PDE9A: variants seen among roughly 807,000 people sequenced by gnomAD.
PDE9A encodes phosphodiesterase 9A.
In PDE9A, 60 loss-of-function variants were observed where a neutral mutation model predicts 87.4. The ratio of observed to expected loss-of-function variants is 0.69; its 90% CI spans 0.56 to 0.85. The LOEUF (loss-of-function observed/expected upper bound fraction) is 0.85, where lower values mean the gene tolerates loss of function less well. PDE9A is among the 40% of genes least tolerant of loss of function. The pLI is 0.00. For missense variants in PDE9A, 665 were observed against 779.0 expected (o/e 0.85, Z 1.74); for synonymous variants, 272 against 279.4 (o/e 0.97, Z 0.27).
intron 1 of PDE9A, among the ~76,000 whole-genome samples, chr21:42,663,375 A>G (rs747244317): frequency 6.6e-6 from 1 of 152,228 alleles, no homozygotes; most frequent in Non-Finnish European, 1.5e-5. Flanking sequence ...CAGAGAAGTC[A>G]GCAGAGCCCC....
At chr21:42,698,397 C>A (rs559725210) in intron 3 of PDE9A, among the ~76,000 whole-genome samples, 69 of 152,358 alleles carry the variant, frequency 4.5e-4, no homozygotes, top group African/African-American at 1.6e-3. Flanking sequence ...TCCTTCCCTG[C>A]CTCTTGGCCA....
Position 42,731,937 on chromosome 21 carries a change from C to T in PDE9A, c.430C>T (p.Arg144Cys), listed in dbSNP as rs1201385136. Residue 144 changes from arginine (R) to cysteine (C), a missense_variant, in exon 5 of 20, where the codon CGC becomes TGC. Arg to Cys is a radical substitution (Grantham distance 180). Transcript: ENST00000291539. ...CCAGGGCTGCTACCAGGAAGGCCAG[C>T]GCATCCCTCCAGGTAACGGGCAGCT... ...EPQGCYQEGQ[R>C]IPPEREELIQ... is the part of the protein sequence containing the mutation. 4.3e-6 allele frequency: 7 copies of T among 1,613,514 alleles called. No individual in the cohort carries two copies. Among genetic ancestry groups the T allele is most frequent in the Middle Eastern group, 1.7e-4 (1 of 6,060 alleles).
At chr21:42,686,484 C>T (rs1268852507) in intron 2 of PDE9A, among the ~76,000 whole-genome samples, 2 of 152,236 alleles carry the variant, frequency 1.3e-5, no homozygotes, top group African/African-American at 2.4e-5. Context: ...AGGAGGAAAC[C>T]GTCGGGCTGA....
chr21:42,761,084 G>A (rs2055709763), intron 13 of PDE9A, among the ~76,000 whole-genome samples, 177 bp downstream of exon 13: 1 of 152,208 alleles, frequency 6.6e-6, no homozygotes, highest in African/African-American at 2.4e-5. Context: ...CCAGGGCCTT[G>A]GGTCTCCCCG....
chr21:42,756,044 G>A (rs1329179151), intron 10 of PDE9A, among the ~76,000 whole-genome samples: 1 of 152,230 alleles, frequency 6.6e-6, no homozygotes, highest in Non-Finnish European at 1.5e-5. Context: ...ATCACAGAGT[G>A]GATTCACAGC....
chr21:42,767,429 T>C (rs2056516442), intron 15 of PDE9A, among the ~76,000 whole-genome samples: 1 of 152,070 alleles, frequency 6.6e-6, no homozygotes, highest in South Asian at 2.1e-4. Flanking sequence ...AATGGCTTCC[T>C]GGGAACTGAT....
intron 8 of PDE9A, among the ~76,000 whole-genome samples, chr21:42,747,321 G>T (rs1221940914): frequency 6.6e-6 from 1 of 151,794 alleles, no homozygotes; most frequent in African/African-American, 2.4e-5. Context: ...CAGGGTGGGG[G>T]TGGGGGGCCT....
chr21:42,773,733 G>A (rs1375483373), intron 19 of PDE9A, among the ~76,000 whole-genome samples: 3 of 151,090 alleles, frequency 2.0e-5, no homozygotes, highest in East Asian at 2.0e-4. Flanking sequence ...CCCAGGAGGC[G>A]GAGATTGCCG....
intron 17 of PDE9A, among the ~76,000 whole-genome samples, chr21:42,770,154 C>T (rs918010352): frequency 1.3e-5 from 2 of 152,152 alleles, no homozygotes; most frequent in Non-Finnish European, 2.9e-5. Flanking sequence ...TTGCACACAG[C>T]TCGTTCCTGC....
At chr21:42,746,781 C>T (rs964417913) in intron 8 of PDE9A, among the ~76,000 whole-genome samples, 5 of 152,340 alleles carry the variant, frequency 3.3e-5, no homozygotes, top group South Asian at 2.1e-4. Context: ...TCAGGCACGC[C>T]GGGCTGTGGG....
At chr21:42,672,406 T>C (rs1191559872) in intron 1 of PDE9A, among the ~76,000 whole-genome samples, 2 of 152,264 alleles carry the variant, frequency 1.3e-5, no homozygotes, top group Non-Finnish European at 2.9e-5. Context: ...GGCGTTTGGC[T>C]CTGGTTCTAG....
intron 1 of PDE9A, among the ~76,000 whole-genome samples, chr21:42,673,245 T>G (rs2058660753): frequency 6.6e-6 from 1 of 152,192 alleles, no homozygotes; most frequent in Admixed American, 6.5e-5. Context: ...ACCTCCTCTC[T>G]TCCTACTCCT....
At chr21:42,667,900 T>C (rs1453216230) in intron 1 of PDE9A, among the ~76,000 whole-genome samples, 2 of 152,044 alleles carry the variant, frequency 1.3e-5, no homozygotes, top group South Asian at 2.1e-4. Flanking sequence ...CCTGCAGTTC[T>C]AGTGGAATCT....
intron 4 of PDE9A, among the ~76,000 whole-genome samples, chr21:42,715,317 G>A (rs1013370031): frequency 2.0e-5 from 3 of 150,720 alleles, no homozygotes; most frequent in South Asian, 2.1e-4. Context: ...CACCGTCAAC[G>A]TCCTGCATCA....
At chr21:42,740,704 G>GATAGATAGA (rs1250691790) in intron 7 of PDE9A, among the ~76,000 whole-genome samples, 4 of 133,442 alleles carry the variant, frequency 3.0e-5, no homozygotes, top group East Asian at 2.2e-4. Flanking sequence ...TAGGTAGGTA[G>GATAGATAGA]TAGATAGATA....
At position 42,722,882 on chromosome 21, in the gene PDE9A, A is replaced by C. The variant is rs907222259; in HGVS notation, c.263-8888A>C. Among the ~76,000 whole-genome samples the C allele has an allele frequency of 3.3e-5, 5 of 152,250 alleles. No individual in the cohort carries two copies. The highest frequency in any genetic ancestry group is 6.5e-5 in the Admixed American group (1 of 15,292). On this transcript the variant is annotated intron_variant, in intron 4 of 19. Coordinates refer to ENST00000291539, the MANE Select transcript of PDE9A (RefSeq NM_002606.3). This position sits in a 1 kb window ranked among gnomAD's most constrained non-coding sequence, Gnocchi z 4.1. ...ATGTCATTCTGCACTGGGTAGACTC[A>C]GGATTTGCCTGAAACAAGTAAACAA...
chr21:42,747,028 A>G (rs923600663), intron 8 of PDE9A, among the ~76,000 whole-genome samples: 6 of 152,336 alleles, frequency 3.9e-5, no homozygotes, highest in Admixed American at 6.5e-5. Flanking sequence ...CGTTGTCGAC[A>G]CATTGAGAAA....
chr21:42,764,817 A>G lies in PDE9A; in HGVS notation c.1243-564A>G, dbSNP rs148139195. On this transcript the variant is annotated intron_variant, in intron 14 of 19. Transcript: ENST00000291539. ...GTTTACAGGAAAATTGAATAATTCA[A>G]GATACAAGTGATCCCCCCAAAAAAA... Among the ~76,000 whole-genome samples, 105 of 152,362 alleles carry G rather than the reference A, an allele frequency of 6.9e-4. 1 individual carries two copies. The highest frequency in any genetic ancestry group is 2.4e-3 in the African/African-American group (101 of 41,574).
chr21:42,773,722 A>G (rs1429205714), intron 19 of PDE9A, among the ~76,000 whole-genome samples: 7 of 150,336 alleles, frequency 4.7e-5, no homozygotes, highest in Middle Eastern at 3.4e-3. Flanking sequence ...AATGGAGTGA[A>G]CCCAGGAGGC....
Sources: gnomAD v4.1 joint callset for allele counts (sites outside exome capture counted in the v4.1 genomes callset) on GRCh38, gnomAD v4.1.1 for gene constraint, Gnocchi (gnomAD v3.1) non-coding constraint, MANE v1.5 for transcripts, NCBI Gene and HGNC (gene_info 2026-07-23, HGNC 2026-07-21) for gene names.